The following XPO1 variants were observed in gnomAD, a reference collection of about 807,000 sequenced individuals.
XPO1 encodes exportin-1.
A neutral mutation model predicts 133.3 loss-of-function variants in XPO1; 5 were observed. The observed-to-expected ratio is 0.04, with a 90% CI of 0.02 to 0.08. XPO1 has a LOEUF of 0.08. Among genes scored for constraint, XPO1 ranks in the 10% least tolerant of loss-of-function variants. The pLI is 1.00. For synonymous variants in XPO1, 419 were observed against 408.2 expected, an observed-to-expected ratio of 1.03 and a Z score of -0.32; for missense variants, 506 against 1,267.5, an observed-to-expected ratio of 0.40 and a Z score of 9.12.
At chr2:61,509,820 A>G (rs887644408) in intron 4 of XPO1, among the ~76,000 whole-genome samples, 8 of 152,230 alleles carry the variant, frequency 5.3e-5, no homozygotes, top group Non-Finnish European at 1.0e-4. Flanking sequence ...ATACACTATT[A>G]AAAATGTAAA....
chr2:61,511,152 TC>T (rs1698078009), intron 4 of XPO1, among the ~76,000 whole-genome samples: 1 of 152,144 alleles, frequency 6.6e-6, no homozygotes, highest in South Asian at 2.1e-4. Flanking sequence ...AGACAGAGTT[TC>T]GTTCTTGTTG....
rs766201793 is a variant in XPO1, at chr2:61,490,720, T to C, written c.1944A>G (p.Thr648=). The change falls in exon 17 of 25, where the codon ACA becomes ACG. Residue 648 remains threonine, a synonymous_variant. Transcript: ENST00000401558. ...GYMIGAQTDQ[T]VQEHLIEKYM... The stretch of plus-strand genomic sequence containing the variant: ...ACTTTTCTATCAAGTGTTCTTGTAC[T>C]GTTTGATCTGTTTGTGCACCAATCA... The C allele has an allele frequency of 1.2e-6, 2 of 1,614,236 alleles. No individual in the cohort carries two copies. The highest frequency in any genetic ancestry group is 1.1e-5 in the South Asian group (1 of 91,086).
intron 6 of XPO1, among the ~76,000 whole-genome samples, chr2:61,500,670 G>C (rs568583142): frequency 6.6e-6 from 1 of 151,822 alleles, no homozygotes; most frequent in East Asian, 1.9e-4. Flanking sequence ...GTGGTGGCGC[G>C]GGCCAGTAGT....
In XPO1 at chr2:61,533,891, C is replaced by T; in HGVS notation, c.7G>A (p.Ala3Thr). 2 of 1,561,950 alleles carry T rather than the reference C, an allele frequency of 1.3e-6. No individual in the cohort carries two copies. Among genetic ancestry groups the T allele is most frequent in the Non-Finnish European group, 1.7e-6 (2 of 1,157,270 alleles). Residue 3 changes from alanine to threonine, a missense_variant, in exon 2 of 25, where the codon GCA becomes ACA. Ala to Thr is a moderately conservative substitution (Grantham distance 58). Around this residue, in one of 6 missense-constraint regions of XPO1, gnomAD observed 20 missense variants for 20.4 expected, o/e 0.98. Transcript: ENST00000401558. The stretch of plus-strand genomic sequence containing the variant: ...TGGTCTGCTAACATTGTCATAATTG[C>T]TGGCATAGATTACTGAAAATAAAGA... MP[A>T]IMTMLADHAA...
At chr2:61,501,710 G>A (rs1697529977) in intron 6 of XPO1, among the ~76,000 whole-genome samples, 1 of 130,438 alleles carries the variant, frequency 7.7e-6, no homozygotes, top group African/African-American at 3.0e-5. Flanking sequence ...GCAACAGAGG[G>A]AGACTGTCTC....
intron 17 of XPO1, among the ~76,000 whole-genome samples, chr2:61,490,356 G>A (rs62151770): frequency 2.6e-5 from 4 of 151,830 alleles, no homozygotes; most frequent in Non-Finnish European, 4.4e-5. Flanking sequence ...GTGCAACCAC[G>A]CCCAGCTAAT....
At chr2:61,480,177 T>C (rs1188936267) in intron 24 of XPO1, 1 of 151,346 alleles carries the variant, frequency 6.6e-6, no homozygotes, top group Non-Finnish European at 1.5e-5. Flanking sequence ...AAATTCTTCA[T>C]ATGCCAAGAT....
At chr2:61,508,474 TAGTC>T (rs1385277548) in intron 4 of XPO1, among the ~76,000 whole-genome samples, 1 of 152,110 alleles carries the variant, frequency 6.6e-6, no homozygotes, top group African/African-American at 2.4e-5. Context: ...CAATATCAAA[TAGTC>T]AATATAAACT....
At chr2:61,529,138 G>A (rs943648084) in intron 2 of XPO1, among the ~76,000 whole-genome samples, 5 of 152,072 alleles carry the variant, frequency 3.3e-5, no homozygotes, top group Non-Finnish European at 2.9e-5. Flanking sequence ...AGTGAGCTGT[G>A]ATCAAGCCAT....
rs536473532 is a variant in XPO1 at position 61,478,589 on chromosome 2, A to G, written c.*231T>C. 2.2e-6 allele frequency: 1 copy of G among 459,550 alleles called. No homozygotes were observed. Among genetic ancestry groups the G allele is most frequent in the Admixed American group, 4.2e-5 (1 of 23,542 alleles). The allele number at this position is 459,550 out of a possible 1,614,324, so 28.5% of individuals were successfully genotyped here. On this transcript the variant is annotated 3_prime_UTR_variant, in exon 25 of 25. Coordinates refer to ENST00000401558, the MANE Select transcript of XPO1 (RefSeq NM_003400.4). ...TGGGCATGAAGTAAAATTTTTAAAA[A>G]TGCCTTAATTTTCAACTTCATGCAA...
intron 11 of XPO1, among the ~76,000 whole-genome samples, chr2:61,495,111 G>T (rs1697183184): frequency 6.6e-6 from 1 of 152,024 alleles, no homozygotes; most frequent in Non-Finnish European, 1.5e-5. Context: ...CCAAAGTGCT[G>T]GGATTACACG....
chr2:61,523,623 T>C (rs927170893), intron 3 of XPO1, among the ~76,000 whole-genome samples: 2 of 152,216 alleles, frequency 1.3e-5, no homozygotes, highest in Non-Finnish European at 2.9e-5. Context: ...CTCATTCATA[T>C]ATAGACATAT....
chr2:61,516,327 A>C (rs965065355), intron 4 of XPO1, among the ~76,000 whole-genome samples: 12 of 151,924 alleles, frequency 7.9e-5, no homozygotes, highest in East Asian at 1.9e-4. Context: ...ACCAAACAAA[A>C]AAAAAAAATC....
rs151077992 is a variant in XPO1, at chr2:61,479,015, A to G, written c.3070-49T>C. ...GTCAACGCAATAAACTTCAACTTGC[A>G]AAGAAAGAAATCATAGATGAGCAAT... On this transcript the variant is annotated intron_variant, in intron 24 of 24. Transcript: ENST00000401558. The G allele has an allele frequency of 4.3e-5, 68 of 1,585,338 alleles. No homozygotes were observed. In the African/African-American group the frequency reaches 7.3e-4, roughly 17 times the overall value.
In XPO1 at chr2:61,482,033, C is replaced by CTTTTTTTTTTTTTTTT. The variant is rs1491506588; in HGVS notation, c.2972+346_2972+347insAAAAAAAAAAAAAAAA. ...TACAGTCATGAGCCACCGTGCGTGG[C>CTTTTTTTTTTTTTTTT]CTTTTTTTTTTTTTTTTTTTTTTTG... is the stretch of plus-strand genomic sequence containing the variant. On this transcript the variant is annotated intron_variant, in intron 23 of 24. Coordinates refer to ENST00000401558, the MANE Select transcript of XPO1 (RefSeq NM_003400.4). Among the ~76,000 whole-genome samples the CTTTTTTTTTTTTTTTT allele has an allele frequency of 3.5e-3, 304 of 86,798 alleles. 79 individuals are homozygous for CTTTTTTTTTTTTTTTT. The highest frequency in any genetic ancestry group is 6.7e-3 in the South Asian group (14 of 2,094). 56.9% of individuals were successfully genotyped at this position (86,798 alleles called of 152,430 possible).
In XPO1 at chr2:61,505,568, A is replaced by AT. The variant is rs377692301; in HGVS notation, c.302-3259dup. Among the ~76,000 whole-genome samples, 110 of 147,380 alleles carry AT rather than the reference A, an allele frequency of 7.5e-4. No homozygotes were observed. In the Middle Eastern group the frequency reaches 0.014, roughly 18 times the overall value. ...CACTATGTCTGGCTACTTTTTTTGT[A>AT]TTTTTTTTTTGAGACAGAGCCTCAC... is the stretch of plus-strand genomic sequence containing the variant. On this transcript the variant is annotated intron_variant, in intron 4 of 24. Coordinates refer to ENST00000401558, the MANE Select transcript of XPO1 (RefSeq NM_003400.4).
At chr2:61,510,323 G>A (rs776747419) in intron 4 of XPO1, among the ~76,000 whole-genome samples, 1 of 152,094 alleles carries the variant, frequency 6.6e-6, no homozygotes, top group East Asian at 1.9e-4. Flanking sequence ...TTGAAAGATG[G>A]TCAATAAAAT....
At chr2:61,501,151 T>A (rs1247791205) in intron 6 of XPO1, among the ~76,000 whole-genome samples, 1 of 152,190 alleles carries the variant, frequency 6.6e-6, no homozygotes, top group Non-Finnish European at 1.5e-5. Flanking sequence ...TAATAAAAGC[T>A]GGAGTTAATT....
intron 3 of XPO1, chr2:61,525,897 T>C (rs918953267): frequency 1.9e-6 from 2 of 1,047,422 alleles, no homozygotes; most frequent in Non-Finnish European, 2.3e-6. Flanking sequence ...TCATCAAGCC[T>C]AAAACAGACA....
Sources: gnomAD v4.1 joint callset for allele counts (sites outside exome capture counted in the v4.1 genomes callset) on GRCh38, gnomAD v4.1.1 for gene constraint, gnomAD v4.1.1 regional missense constraint, MANE v1.5 for transcripts, NCBI Gene and HGNC (gene_info 2026-07-23, HGNC 2026-07-21) for gene names.